Variants in RBFOX1 observed in about 807,000 individuals in gnomAD.
The protein encoded by RBFOX1 is RNA binding protein fox-1 homolog 1.
RBFOX1 carries 8 observed loss-of-function variants against 57.7 expected under a neutral mutation model. The ratio of observed to expected loss-of-function variants is 0.14; its 90% CI spans 0.08 to 0.25. The LOEUF (loss-of-function observed/expected upper bound fraction) is 0.25, where lower values mean the gene tolerates loss of function less well. Ranked by LOEUF, RBFOX1 falls within the 10% of genes least tolerant of loss-of-function variation. RBFOX1 has a pLI of 1.00. For synonymous variants in RBFOX1, 326 were observed against 222.4 expected (o/e 1.47, Z -4.15); for missense variants, 611 against 548.5 (o/e 1.11, Z -1.14).
intron 3 of RBFOX1, among the ~76,000 whole-genome samples, chr16:5,732,902 C>T (rs1488081281): frequency 1.3e-5 from 2 of 152,216 alleles, no homozygotes; most frequent in East Asian, 3.9e-4. Flanking sequence ...TTGCACGAGG[C>T]TGATGGGAAT....
At chr16:7,572,838 C>CAAATAAATAAATAAATAAAT (rs2092929655) in intron 5 of RBFOX1, among the ~76,000 whole-genome samples, 1 of 68,870 alleles carries the variant, frequency 1.5e-5, no homozygotes, top group African/African-American at 4.3e-5. Flanking sequence ...GAGTCTCTCT[C>CAAATAAATAAATAAATAAAT]AAATGAATAA....
chr16:5,279,812 AT>A (rs1342320226), intron 1 of RBFOX1, among the ~76,000 whole-genome samples: 8 of 152,108 alleles, frequency 5.3e-5, no homozygotes. Flanking sequence ...TAATTTATCC[AT>A]TTTAAGAGTT....
At position 6,124,664 on chromosome 16, in the gene RBFOX1, G is replaced by A. The variant is rs369490978; in HGVS notation, c.-127+104672G>A. ...ATTACAGGCATGCACCAGCATGCCC[G>A]GCTAGTTGTTGTTGTTGTTTTTTGT... On this transcript the variant is annotated intron_variant, in intron 1 of 15. Transcript: ENST00000550418. Among the ~76,000 whole-genome samples the A allele has an allele frequency of 3.9e-5, 6 of 152,036 alleles. No homozygotes were observed. The South Asian group carries it at 8.3e-4, about 21-fold the overall frequency.
At chr16:5,870,394 G>GAAAAAAAAA (rs1567651086) in intron 4 of RBFOX1, among the ~76,000 whole-genome samples, 1 of 130,936 alleles carries the variant, frequency 7.6e-6, no homozygotes, top group African/African-American at 2.9e-5. Context: ...AAAAAAAAAT[G>GAAAAAAAAA]AAGGCACTTG....
At chr16:6,391,609 G>T (rs375828050) in intron 2 of RBFOX1, among the ~76,000 whole-genome samples, 1 of 152,134 alleles carries the variant, frequency 6.6e-6, no homozygotes, top group African/African-American at 2.4e-5. Context: ...AGGCAATGTG[G>T]AAAGGAAAAA....
intron 1 of RBFOX1, among the ~76,000 whole-genome samples, chr16:6,251,994 G>T: frequency 6.6e-6 from 1 of 152,026 alleles, no homozygotes; most frequent in South Asian, 2.1e-4. Context: ...GTAACATAAT[G>T]GAAAAACAAA....
At chr16:7,502,637 C>G (rs1278840767) in intron 4 of RBFOX1, among the ~76,000 whole-genome samples, 2 of 152,066 alleles carry the variant, frequency 1.3e-5, no homozygotes, top group Non-Finnish European at 2.9e-5. Context: ...GGTACATGTG[C>G]ACATTGTGCA....
At chr16:5,287,636 A>G (rs982960038) in intron 1 of RBFOX1, among the ~76,000 whole-genome samples, 25 of 152,278 alleles carry the variant, frequency 1.6e-4, no homozygotes, top group Non-Finnish European at 3.2e-4. Context: ...GGGAAGCTCT[A>G]CTTTGCTCTT....
rs571610389 is a variant in RBFOX1 at position 7,286,781 on chromosome 16, G to A, written c.28-231366G>A. ...TGGGACTACAGGTCCCTGCCACCAT[G>A]CCTGGCTAATTTTGTTTTTGTATTT... On this transcript the variant is annotated intron_variant, in intron 4 of 15. Transcript: ENST00000550418. 7.2e-5 allele frequency among the ~76,000 whole-genome samples: 11 copies of A among 151,878 alleles called. No individual in the cohort carries two copies. In the South Asian group the frequency reaches 2.1e-3, roughly 29 times the overall value.
intron 2 of RBFOX1, among the ~76,000 whole-genome samples, chr16:6,516,047 A>C (rs1482637281): frequency 6.6e-6 from 1 of 152,010 alleles, no homozygotes; most frequent in Non-Finnish European, 1.5e-5. Flanking sequence ...TCTGTATCCC[A>C]GAGCAATGGT....
intron 3 of RBFOX1, among the ~76,000 whole-genome samples, chr16:6,795,708 G>C (rs1284218198): frequency 6.6e-6 from 1 of 151,350 alleles, no homozygotes; most frequent in African/African-American, 2.4e-5. Context: ...AGAGGTTGCA[G>C]TTAGCCAATG....
chr16:7,219,201 A>G (rs938459669), intron 4 of RBFOX1, among the ~76,000 whole-genome samples: 1 of 152,182 alleles, frequency 6.6e-6, no homozygotes, highest in African/African-American at 2.4e-5. Flanking sequence ...TGACATAATT[A>G]ATGAAGAGGC....
At chr16:6,335,061 C>T (rs371278734) in intron 2 of RBFOX1, among the ~76,000 whole-genome samples, 3 of 152,166 alleles carry the variant, frequency 2.0e-5, no homozygotes, top group Non-Finnish European at 4.4e-5. Context: ...AATCCCCTTT[C>T]GATGTGATAG....
intron 4 of RBFOX1, among the ~76,000 whole-genome samples, chr16:7,224,562 T>A (rs555097104): frequency 1.3e-5 from 2 of 152,218 alleles, no homozygotes; most frequent in South Asian, 4.1e-4. Flanking sequence ...GGTTTGAGCA[T>A]CAGGATTTCT....
chr16:6,724,550 A>G (rs2066739108), intron 3 of RBFOX1, among the ~76,000 whole-genome samples: 1 of 152,020 alleles, frequency 6.6e-6, no homozygotes, highest in African/African-American at 2.4e-5. Flanking sequence ...ACCAGACACC[A>G]AATCTACCAG....
intron 1 of RBFOX1, among the ~76,000 whole-genome samples, chr16:6,162,925 G>A (rs577750082): frequency 1.1e-4 from 17 of 152,212 alleles, no homozygotes; most frequent in Admixed American, 1.0e-3. Context: ...GTAGAGACGA[G>A]GTTTTGCCAT....
intron 1 of RBFOX1, among the ~76,000 whole-genome samples, chr16:5,268,150 A>G (rs1466081663): frequency 3.9e-5 from 6 of 152,112 alleles, no homozygotes; most frequent in Non-Finnish European, 8.8e-5. Context: ...GTAAGAGCCC[A>G]AGGTCTGGCT....
intron 3 of RBFOX1, among the ~76,000 whole-genome samples, chr16:6,718,794 T>G (rs566807644): frequency 1.3e-5 from 2 of 152,154 alleles, no homozygotes; most frequent in African/African-American, 4.8e-5. Context: ...TTGACTCCAG[T>G]CTCCGCATAA....
intron 3 of RBFOX1, among the ~76,000 whole-genome samples, chr16:6,818,700 T>A (rs1026406019): frequency 2.0e-5 from 3 of 152,182 alleles, no homozygotes; most frequent in Admixed American, 6.5e-5. Flanking sequence ...TCTAGAGAAG[T>A]CCTCTCTTCC....
Sources: allele counts gnomAD v4.1 joint callset (sites outside exome capture counted in the v4.1 genomes callset), GRCh38; gene constraint gnomAD v4.1.1; transcripts MANE v1.5; gene names NCBI Gene and HGNC (gene_info 2026-07-23, HGNC 2026-07-21).